MTCH2: variants seen among roughly 807,000 people sequenced by gnomAD.
The protein encoded by MTCH2 is mitochondrial carrier homolog 2.
In MTCH2, 25 loss-of-function variants were observed where a neutral mutation model predicts 50.6. That is an observed-to-expected ratio of 0.49 (90% CI 0.36 to 0.69). MTCH2 has a LOEUF of 0.69. Among genes scored for constraint, MTCH2 ranks in the 30% least tolerant of loss-of-function variants. The probability of loss-of-function intolerance (pLI) is 0.00; values close to 1 mark genes in which losing one functional copy is unlikely to be tolerated. For synonymous variants in MTCH2, 106 were observed against 132.0 expected, an observed-to-expected ratio of 0.80 and a Z score of 1.35; for missense variants, 273 against 384.4, an observed-to-expected ratio of 0.71 and a Z score of 2.42.
chr11:47,619,234 A>C (rs1218666775), intron 12 of MTCH2, among the ~76,000 whole-genome samples: 1 of 152,046 alleles, frequency 6.6e-6, no homozygotes, highest in East Asian at 1.9e-4. Flanking sequence ...GCTTTCATTT[A>C]TTTCTTTGTT....
the MTCH2 span, among the ~76,000 whole-genome samples, chr11:47,605,463 T>C: frequency 3.3e-5 from 5 of 152,170 alleles, no homozygotes; most frequent in Non-Finnish European, 5.9e-5. Context: ...CCACTTACTC[T>C]TTTAAATTTC....
Position 47,629,097 on chromosome 11 carries a change from T to C in MTCH2, c.540-51A>G, listed in dbSNP as rs143855961. 4.3e-4 allele frequency: 608 copies of C among 1,405,244 alleles called. 3 individuals carry two copies. The African/African-American group carries it at 6.8e-3, about 16-fold the overall frequency. 87.0% of individuals were successfully genotyped at this position (1,405,244 alleles called of 1,614,324 possible). ...GAACCAAAAAATGTGATCAGTAACA[T>C]GACAGGCTCTTCAGTACAAATGTTT... On this transcript the variant is annotated intron_variant, in intron 8 of 12. Coordinates refer to ENST00000302503, the MANE Select transcript of MTCH2 (RefSeq NM_014342.4).
intron 4 of MTCH2, 108 bp from the exon 5 acceptor site, chr11:47,634,842 G>A (rs544218926): frequency 9.6e-4 from 632 of 661,214 alleles, no homozygotes; most frequent in Non-Finnish European, 1.4e-3. Context: ...GCACAATCTC[G>A]GCTCACTGCA....
In MTCH2 at chr11:47,631,051, C is replaced by T. The variant is rs760290255; in HGVS notation, c.464G>A (p.Arg155Lys). ...AAATACTTACCAGTACTTGGATTCT[C>T]TGCCAATGAACTGTACCATAGATCT... is the stretch of plus-strand genomic sequence containing the variant. ...TLRSMVQFIG[R>K]ESKYCGLCDS... Residue 155 changes from arginine (R) to lysine (K), a missense_variant, in exon 7 of 13, where the codon AGA becomes AAA. By Grantham distance (26) the Arg-to-Lys change is conservative (BLOSUM62 2). Coordinates refer to ENST00000302503, the MANE Select transcript of MTCH2 (RefSeq NM_014342.4). The T allele has an allele frequency of 1.2e-6, 2 of 1,612,654 alleles. No individual in the cohort carries two copies. The highest frequency in any genetic ancestry group is 3.3e-5 in the Admixed American group (2 of 59,978).
intron 9 of MTCH2, among the ~76,000 whole-genome samples, 188 bp downstream of exon 9, chr11:47,628,765 A>G (rs1025584745): frequency 2.3e-4 from 35 of 152,168 alleles, no homozygotes; most frequent in African/African-American, 8.4e-4. Flanking sequence ...TTTAGTAGAG[A>G]CGAGGTTTCA....
chr11:47,629,814 T>G (rs1328073490), intron 8 of MTCH2, among the ~76,000 whole-genome samples: 1 of 150,734 alleles, frequency 6.6e-6, no homozygotes, highest in Non-Finnish European at 1.5e-5. Flanking sequence ...CATAGAAGAA[T>G]GAGGGTAGTA....
At chr11:47,640,419 C>G (rs10838737) in intron 1 of MTCH2, among the ~76,000 whole-genome samples, 1 of 151,986 alleles carries the variant, frequency 6.6e-6, no homozygotes, top group Non-Finnish European at 1.5e-5. Context: ...TATTTAGTTA[C>G]TTATTTATTT....
downstream of MTCH2, among the ~76,000 whole-genome samples, chr11:47,616,840 T>C (rs1301279567): frequency 6.6e-6 from 1 of 152,040 alleles, no homozygotes; most frequent in Admixed American, 6.6e-5. Flanking sequence ...TGTGCCACCA[T>C]GCCCGGCTAA....
At chr11:47,622,123 C>G (rs898151311) in intron 12 of MTCH2, among the ~76,000 whole-genome samples, 1 of 152,086 alleles carries the variant, frequency 6.6e-6, no homozygotes, top group African/African-American at 2.4e-5. Context: ...CTAGACCTCT[C>G]GAAGTGCTAG....
intron 3 of MTCH2, among the ~76,000 whole-genome samples, chr11:47,636,171 C>T (rs886432455): frequency 6.6e-6 from 1 of 151,588 alleles, no homozygotes; most frequent in Non-Finnish European, 1.5e-5. Flanking sequence ...CGGTAGCTCA[C>T]GCCTATAATC....
chr11:47,642,513 C>G lies in MTCH2; in HGVS notation c.-48G>C, dbSNP rs768276454. 17 of 1,522,014 alleles carry G rather than the reference C, an allele frequency of 1.1e-5. No individual in the cohort carries two copies. Among genetic ancestry groups the G allele is most frequent in the Admixed American group, 2.0e-5 (1 of 48,930 alleles). The allele number at this position is 1,522,014 out of a possible 1,614,324, so 94.3% of individuals were successfully genotyped here. The stretch of plus-strand genomic sequence containing the variant: ...ACAGACAGACGGAGCCACCAAGCGA[C>G]CCGGTGAGCCGGTCCTAGGTCACGT... On this transcript the variant is annotated 5_prime_UTR_variant, in exon 1 of 13. Transcript: ENST00000302503.
chr11:47,618,649 G>A lies in MTCH2; in HGVS notation c.*184C>T, dbSNP rs79845520. The A allele has an allele frequency of 0.047, 26,094 of 555,598 alleles. 643 individuals are homozygous for A. Among genetic ancestry groups the A allele is most frequent in the Middle Eastern group, 0.076 (162 of 2,132 alleles). 34.4% of individuals were successfully genotyped at this position (555,598 alleles called of 1,614,324 possible). On this transcript the variant is annotated 3_prime_UTR_variant, in exon 13 of 13. Transcript: ENST00000302503. The stretch of plus-strand genomic sequence containing the variant: ...CTAATTCAGAATAACTAAAGGGGGA[G>A]TATCAGTGGTAAGTTATGTTGTGCT...
intron 1 of MTCH2, among the ~76,000 whole-genome samples, chr11:47,640,525 C>T (rs1274551825): frequency 6.6e-6 from 1 of 152,078 alleles, no homozygotes; most frequent in Non-Finnish European, 1.5e-5. Flanking sequence ...AAGCCATTCT[C>T]GTACCTCAGC....
intron 5 of MTCH2, among the ~76,000 whole-genome samples, chr11:47,633,602 T>A (rs1273346117): frequency 7.0e-6 from 1 of 143,490 alleles, no homozygotes; most frequent in African/African-American, 2.6e-5. Flanking sequence ...AATGGTGCAA[T>A]CTTGGCTCAT....
At chr11:47,610,303 G>A in the MTCH2 span, among the ~76,000 whole-genome samples, 9 of 152,262 alleles carry the variant, frequency 5.9e-5, no homozygotes, top group South Asian at 1.9e-3. Flanking sequence ...CCGTAACTTT[G>A]CCCATATTAT....
chr11:47,640,884 T>TG (rs1221077236), intron 1 of MTCH2, among the ~76,000 whole-genome samples: 2 of 151,566 alleles, frequency 1.3e-5, no homozygotes, highest in Non-Finnish European at 3.0e-5. Flanking sequence ...TATTGAGTAG[T>TG]GGGTTCTTTT....
At chr11:47,620,896 A>G (rs2097292646) in intron 12 of MTCH2, among the ~76,000 whole-genome samples, 1 of 152,208 alleles carries the variant, frequency 6.6e-6, no homozygotes, top group Non-Finnish European at 1.5e-5. Context: ...AGCTCTTAGC[A>G]TGATATCTGG....
intron 1 of MTCH2, among the ~76,000 whole-genome samples, chr11:47,639,964 A>T (rs2097312471): frequency 6.6e-6 from 1 of 152,200 alleles, no homozygotes; most frequent in South Asian, 2.1e-4. Context: ...TTTTAACACT[A>T]CAGATACTTG....
At chr11:47,635,668 G>T in intron 3 of MTCH2, 97 bp from the exon 4 acceptor site, 4 of 1,206,990 alleles carry the variant, frequency 3.3e-6, no homozygotes, top group Admixed American at 2.4e-5. Flanking sequence ...TAAATTAGCT[G>T]AAGTTTTTTT....
Sources: gnomAD v4.1 joint callset for allele counts (sites outside exome capture counted in the v4.1 genomes callset) on GRCh38, gnomAD v4.1.1 for gene constraint, MANE v1.5 for transcripts, NCBI Gene and HGNC (gene_info 2026-07-23, HGNC 2026-07-21) for gene names.